SSBP4: variants seen among roughly 807,000 people sequenced by gnomAD.
SSBP4 encodes single stranded DNA binding protein 4, also known as single-stranded DNA-binding protein 4.
SSBP4 carries 33 observed loss-of-function variants against 64.6 expected under a neutral mutation model. The ratio of observed to expected loss-of-function variants is 0.51; its 90% CI spans 0.39 to 0.68. The LOEUF (loss-of-function observed/expected upper bound fraction) is 0.68. Among genes scored for constraint, SSBP4 ranks in the 30% least tolerant of loss-of-function variants. The pLI, the probability that SSBP4 is intolerant of heterozygous loss-of-function variation, is 0.00. For missense variants in SSBP4, 583 were observed against 566.8 expected (o/e 1.03, Z -0.29); for synonymous variants, 243 against 224.0 (o/e 1.08, Z -0.76).
Position 18,431,367 on chromosome 19 carries a change from C to T in SSBP4, c.384C>T (p.Ser128=). ...AAGFFQGPPG[S]QPSPHNPNAP... ...TGTCCTCCTAGGGCCCCCCCGGCTC[C>T]CAGCCGTCCCCCCACAACCCCAACG... Residue 128 remains serine, a synonymous_variant, in exon 6 of 18, where the codon TCC becomes TCT. Transcript: ENST00000270061. 8.0e-7 allele frequency: 1 copy of T among 1,249,308 alleles called. No homozygotes were observed. Among genetic ancestry groups the T allele is most frequent in the Non-Finnish European group, 1.1e-6 (1 of 895,158 alleles). The allele number at this position is 1,249,308 out of a possible 1,614,324, so 77.4% of individuals were successfully genotyped here.
At chr19:18,428,051 T>TTGGG in intron 4 of SSBP4, 69 bp downstream of exon 4, 3 of 496,520 alleles carry the variant, frequency 6.0e-6, no homozygotes, top group East Asian at 4.5e-5. Flanking sequence ...GCTGGGGAGG[T>TTGGG]GGGGTGGGGG....
chr19:18,419,186 C>T, upstream of SSBP4: 2 of 985,912 alleles, frequency 2.0e-6, no homozygotes, highest in African/African-American at 1.7e-5. Context: ...GCGTGTGCAG[C>T]CGCGATCAGC....
chr19:18,410,197 C>A, the SSBP4 span, among the ~76,000 whole-genome samples: 1 of 152,070 alleles, frequency 6.6e-6, no homozygotes, highest in Non-Finnish European at 1.5e-5. Flanking sequence ...GGGGTTTCAC[C>A]GTGTTAGCCA....
intron 4 of SSBP4, among the ~76,000 whole-genome samples, chr19:18,428,266 T>TG (rs1386244713): frequency 2.6e-5 from 4 of 152,240 alleles, no homozygotes; most frequent in African/African-American, 7.2e-5. Context: ...ATTGGGGCAC[T>TG]GGGGGGTGCC....
chr19:18,427,563 C>G lies in SSBP4; in HGVS notation c.132+140C>G. 2 of 1,265,762 alleles carry G rather than the reference C, an allele frequency of 1.6e-6. No homozygotes were observed. The highest frequency in any genetic ancestry group is 3.0e-5 in the African/African-American group (2 of 67,000). 78.4% of individuals were successfully genotyped at this position (1,265,762 alleles called of 1,614,324 possible). On this transcript the variant is annotated intron_variant, in intron 2 of 17. Transcript: ENST00000270061. The surrounding 1 kb of genome is among the most constrained non-coding windows in gnomAD (Gnocchi z 4.4). ...CTGAGGGCTCTGCAGGGTCCAGGCC[C>G]TGGGCTAGCATCCAGGCATCTGGTC...
At chr19:18,429,478 G>C (rs1268362394) in intron 4 of SSBP4, among the ~76,000 whole-genome samples, 2 of 151,304 alleles carry the variant, frequency 1.3e-5, no homozygotes, top group East Asian at 1.9e-4. Context: ...GGCGGGGGGG[G>C]GGTGCGGTGG....
At position 18,431,775 on chromosome 19, in the gene SSBP4, G is replaced by A. The variant is rs562787315; in HGVS notation, c.496-18G>A. The A allele has an allele frequency of 1.3e-4, 200 of 1,541,992 alleles. No homozygotes were observed. The highest frequency in any genetic ancestry group is 1.7e-4 in the Non-Finnish European group (190 of 1,140,172). On this transcript the variant is annotated intron_variant, in intron 7 of 17. Coordinates refer to ENST00000270061, the MANE Select transcript of SSBP4 (RefSeq NM_032627.5). Reference sequence around the variant, plus strand: ...GAGGGAGCACCCCACACTCAGTGCCGCCGCACCCCCTCCGCAGCCTCCCGC... The same window carrying A: ...GAGGGAGCACCCCACACTCAGTGCCACCGCACCCCCTCCGCAGCCTCCCGC...
At chr19:18,433,351 C>G in intron 15 of SSBP4, 138 bp downstream of exon 15, 1 of 1,295,220 alleles carries the variant, frequency 7.7e-7, no homozygotes, top group Non-Finnish European at 1.1e-6. Flanking sequence ...CGCTCAGTGA[C>G]AGGGGCTGCC....
At chr19:18,404,891 C>CAAAAAAA in the SSBP4 span, among the ~76,000 whole-genome samples, 1 of 44,568 alleles carries the variant, frequency 2.2e-5, no homozygotes, top group Non-Finnish European at 4.1e-5. Flanking sequence ...GACTCCATCT[C>CAAAAAAA]AAAAAAAAAA....
At chr19:18,432,656 G>C in intron 11 of SSBP4, 44 bp from the exon 12 acceptor site, 1 of 1,555,530 alleles carries the variant, frequency 6.4e-7, no homozygotes, top group Non-Finnish European at 8.7e-7. Context: ...AGGGACACTG[G>C]GTGAGCCGCC....
At chr19:18,429,098 CAAGCCCTGGGGTGACCGA>C (rs1290920525) in intron 4 of SSBP4, among the ~76,000 whole-genome samples, 1 of 149,790 alleles carries the variant, frequency 6.7e-6, no homozygotes, top group Non-Finnish European at 1.5e-5. Flanking sequence ...GGAGGCCGCC[CAAGCCCTGGGGTGACCGA>C]ATCCCCGCGG....
Position 18,431,402 on chromosome 19 carries a change from TG to T in SSBP4, c.423del (p.Pro142LeufsTer59). The T allele has an allele frequency of 7.1e-7, 1 of 1,408,910 alleles. No homozygotes were observed. The highest frequency in any genetic ancestry group is 9.5e-7 in the Non-Finnish European group (1 of 1,056,136). The allele number at this position is 1,408,910 out of a possible 1,614,324, so 87.3% of individuals were successfully genotyped here. A position where few individuals can be genotyped will look rare whatever the true frequency, so the allele number is the denominator to read the frequency against. On this transcript the variant is annotated frameshift_variant, in exon 6 of 18. Transcript: ENST00000270061. LOFTEE classifies it high-confidence loss of function. ...PSPHNPNAPM[M>X]GPHGQPFMSP... ...CCCCACAACCCCAACGCCCCCATGA[TG>T]GGGCCTCACGGTCAGGTAAGGAGCT...
chr19:18,416,025 TTTG>T (rs911078687), upstream of SSBP4, among the ~76,000 whole-genome samples: 19 of 152,080 alleles, frequency 1.2e-4, no homozygotes, highest in Non-Finnish European at 7.4e-5. Flanking sequence ...TTTTTTAGTT[TTTG>T]TTGTTGTTAT....
chr19:18,406,319 T>C, the SSBP4 span, among the ~76,000 whole-genome samples: 1 of 150,342 alleles, frequency 6.7e-6, no homozygotes. Context: ...TGCCCAGCTA[T>C]TATTATTATT....
intron 17 of SSBP4, 46 bp from the exon 18 acceptor site, chr19:18,434,171 G>T (rs377550115): frequency 3.1e-6 from 5 of 1,608,102 alleles, no homozygotes; most frequent in Non-Finnish European, 4.2e-6. Flanking sequence ...AGCCTCTTCC[G>T]GAGCTGAACT....
Position 18,427,428 on chromosome 19 carries a change from G to A in SSBP4, c.132+5G>A. The A allele has an allele frequency of 6.2e-7, 1 of 1,609,304 alleles. No homozygotes were observed. Among genetic ancestry groups the A allele is most frequent in the Non-Finnish European group, 8.5e-7 (1 of 1,179,826 alleles). ...GCCCAGACCTTCCTGTCTGAGGTAA[G>A]CCACCACCTCCAGGCTGGCCCTCCC... is the stretch of plus-strand genomic sequence containing the variant. On this transcript the variant is annotated splice_donor_5th_base_variant and intron_variant, in intron 2 of 17. Transcript: ENST00000270061. The surrounding 1 kb of genome is among the most constrained non-coding windows in gnomAD (Gnocchi z 4.4).
At chr19:18,409,509 ACTTT>A in the SSBP4 span, among the ~76,000 whole-genome samples, 1 of 151,588 alleles carries the variant, frequency 6.6e-6, no homozygotes, top group Admixed American at 6.6e-5. Flanking sequence ...TTATTATTTT[ACTTT>A]CTTAATAAAT....
At position 18,426,265 on chromosome 19, in the gene SSBP4, G is replaced by T. The variant is rs1305035085; in HGVS notation, c.60-1086G>T. 6.6e-6 allele frequency among the ~76,000 whole-genome samples: 1 copy of T among 152,178 alleles called. No homozygotes were observed. Among genetic ancestry groups the T allele is most frequent in the African/African-American group, 2.4e-5 (1 of 41,428 alleles). ...TTAGGATGGGGCCCGCAGCCAGAGA[G>T]GGCGGCGCAGCTGAGCTGGAGGCGG... On this transcript the variant is annotated intron_variant, in intron 1 of 17. Coordinates refer to ENST00000270061, the MANE Select transcript of SSBP4 (RefSeq NM_032627.5). This position sits in a 1 kb window ranked among gnomAD's most constrained non-coding sequence, Gnocchi z 4.5.
Position 18,433,181 on chromosome 19 carries a change from C to G in SSBP4, c.959C>G (p.Ala320Gly). ...GAGGGCCCCATGGCCGCCATGAGCG[C>G]GATGGAGCCTCACCACGTGAACGGA... Reference protein sequence around the residue: ...GPEGPMAAMSAMEPHHVNGSL... With the variant: ...GPEGPMAAMSGMEPHHVNGSL... Residue 320 changes from alanine to glycine, a missense_variant, in exon 15 of 18, where the codon GCG becomes GGG. By Grantham distance (60) the Ala-to-Gly change is moderately conservative (BLOSUM62 0). This residue lies in a region of SSBP4 where 444 missense variants were observed against 386.6 expected (regional missense o/e 1.15). Coordinates refer to ENST00000270061, the MANE Select transcript of SSBP4 (RefSeq NM_032627.5). 1 of 1,587,536 alleles carries G rather than the reference C, an allele frequency of 6.3e-7. No individual in the cohort carries two copies. Among genetic ancestry groups the G allele is most frequent in the African/African-American group, 1.3e-5 (1 of 74,500 alleles).
Sources: gnomAD v4.1 joint callset for allele counts (sites outside exome capture counted in the v4.1 genomes callset) on GRCh38, gnomAD v4.1.1 for gene constraint, gnomAD v4.1.1 regional missense constraint, Gnocchi (gnomAD v3.1) non-coding constraint, MANE v1.5 for transcripts, NCBI Gene and HGNC (gene_info 2026-07-23, HGNC 2026-07-21) for gene names.